Variants in GALNT18 observed in about 807,000 individuals in gnomAD.
GALNT18 encodes the protein GalNAc-transferase 18.
A neutral mutation model predicts 69.5 loss-of-function variants in GALNT18; 44 were observed. The observed-to-expected ratio is 0.63, with a 90% CI of 0.50 to 0.81. The LOEUF (loss-of-function observed/expected upper bound fraction) is 0.81. Ranked by LOEUF, GALNT18 falls within the 40% of genes least tolerant of loss-of-function variation. The pLI, the probability that GALNT18 is intolerant of heterozygous loss-of-function variation, is 0.00. For synonymous variants in GALNT18, 364 were observed against 318.2 expected (o/e 1.14, Z -1.53); for missense variants, 715 against 810.0 (o/e 0.88, Z 1.42).
intron 6 of GALNT18, among the ~76,000 whole-genome samples, chr11:11,346,708 C>A (rs7108792): frequency 0.95 from 145,024 of 152,136 alleles, 69,485 homozygotes; most frequent in East Asian, 1. Context: ...GTGGCCAAGA[C>A]CCTAAAGTGG....
In GALNT18 at chr11:11,534,047, C is replaced by A. The variant is rs1857717853; in HGVS notation, c.236-85111G>T. ...GCAGCCTCATCACACCCCATGCTAG[C>A]ACCCCTACGTCACAGATCAGGAAAC... On this transcript the variant is annotated intron_variant, in intron 1 of 10. Coordinates refer to ENST00000227756, the MANE Select transcript of GALNT18 (RefSeq NM_198516.3). Among the ~76,000 whole-genome samples the A allele has an allele frequency of 3.9e-5, 6 of 152,360 alleles. No homozygotes were observed. The South Asian group carries it at 1.2e-3, about 32-fold the overall frequency.
At chr11:11,334,551 A>G (rs1052858583) in intron 7 of GALNT18, among the ~76,000 whole-genome samples, 1 of 151,934 alleles carries the variant, frequency 6.6e-6, no homozygotes, top group African/African-American at 2.4e-5. Context: ...TCCAAAAAAA[A>G]AAAACCAAAA....
chr11:11,357,658 T>G (rs1169601597), intron 6 of GALNT18, among the ~76,000 whole-genome samples: 2 of 152,202 alleles, frequency 1.3e-5, no homozygotes, highest in South Asian at 2.1e-4. Flanking sequence ...CTTTTTCTCT[T>G]GGGACCAGGG....
At chr11:11,557,646 G>A (rs1051369919) in intron 1 of GALNT18, among the ~76,000 whole-genome samples, 2 of 152,182 alleles carry the variant, frequency 1.3e-5, no homozygotes, top group Admixed American at 6.5e-5. Flanking sequence ...CTGAGCACTC[G>A]GTAACTGTCA....
rs1859640536 is a variant in GALNT18 at position 11,601,779 on chromosome 11, A to C, written c.235+19580T>G. Among the ~76,000 whole-genome samples the C allele has an allele frequency of 1.3e-5, 2 of 152,242 alleles. No individual in the cohort carries two copies. Among genetic ancestry groups the C allele is most frequent in the Admixed American group, 1.3e-4 (2 of 15,288 alleles). On this transcript the variant is annotated intron_variant, in intron 1 of 10. Coordinates refer to ENST00000227756, the MANE Select transcript of GALNT18 (RefSeq NM_198516.3). This position sits in a 1 kb window ranked among gnomAD's most constrained non-coding sequence, Gnocchi z 4.0. ...TGGAAACTGTGACTTTAAGCAAAAT[A>C]TAACATATAACAAAACCTGTTTTTT...
intron 1 of GALNT18, chr11:11,476,167 A>G (rs977824804): frequency 1.3e-5 from 2 of 152,206 alleles, no homozygotes; most frequent in East Asian, 3.8e-4. Flanking sequence ...GTCCCCCTGG[A>G]AATCAGAAAT....
chr11:11,466,124 A>G (rs1246558976), intron 1 of GALNT18, among the ~76,000 whole-genome samples: 2 of 151,520 alleles, frequency 1.3e-5, no homozygotes, highest in Non-Finnish European at 3.0e-5. Context: ...TGTGTGATTA[A>G]CTCTGACACA....
At chr11:11,277,966 A>C (rs1427144998) in intron 10 of GALNT18, among the ~76,000 whole-genome samples, 1 of 152,210 alleles carries the variant, frequency 6.6e-6, no homozygotes, top group Non-Finnish European at 1.5e-5. Flanking sequence ...GCTGAGAAGA[A>C]TGTATATTCT....
chr11:11,547,666 T>C (rs574695570), intron 1 of GALNT18, among the ~76,000 whole-genome samples: 2 of 152,232 alleles, frequency 1.3e-5, no homozygotes, highest in Non-Finnish European at 2.9e-5. Context: ...CCTGCTACCA[T>C]GAATCTTAGG....
chr11:11,600,343 G>GT lies in GALNT18; in HGVS notation c.235+21015dup. On this transcript the variant is annotated intron_variant, in intron 1 of 10. Coordinates refer to ENST00000227756, the MANE Select transcript of GALNT18 (RefSeq NM_198516.3). This position sits in a 1 kb window ranked among gnomAD's most constrained non-coding sequence, Gnocchi z 4.8. ...CCTGATAACAACAAATTCTGTTTTTGTTTTTCTGGTAATGACTTTATTTTG... is the reference window on the plus strand; with the variant it reads ...CCTGATAACAACAAATTCTGTTTTTGTTTTTTCTGGTAATGACTTTATTTTG... 6.6e-6 allele frequency among the ~76,000 whole-genome samples: 1 copy of GT among 152,006 alleles called. No individual in the cohort carries two copies. The highest frequency in any genetic ancestry group is 2.1e-4 in the South Asian group (1 of 4,816).
At chr11:11,378,135 G>A (rs967493968) in intron 4 of GALNT18, among the ~76,000 whole-genome samples, 20 of 152,220 alleles carry the variant, frequency 1.3e-4, no homozygotes, top group African/African-American at 4.6e-4. Context: ...GGCAAGCAGG[G>A]ACTTCAACTA....
At chr11:11,280,410 G>A (rs938673407) in intron 10 of GALNT18, among the ~76,000 whole-genome samples, 1 of 152,034 alleles carries the variant, frequency 6.6e-6, no homozygotes, top group Non-Finnish European at 1.5e-5. Flanking sequence ...GGCACCTCCA[G>A]GGAGAAGGAT....
rs561857003 is a variant in GALNT18 at position 11,409,303 on chromosome 11, G to C, written c.595+23318C>G. Among the ~76,000 whole-genome samples the C allele has an allele frequency of 2.6e-5, 4 of 152,246 alleles. No homozygotes were observed. In the East Asian group the frequency reaches 7.7e-4, roughly 29 times the overall value. On this transcript the variant is annotated intron_variant, in intron 3 of 10. Transcript: ENST00000227756. ...AACTCAGTCAGTGTCTGGGTTCCTA[G>C]TGCGTGAACTCCCTAAAGGCAGTCT...
intron 1 of GALNT18, among the ~76,000 whole-genome samples, chr11:11,581,721 C>T (rs1018948579): frequency 6.6e-6 from 1 of 152,160 alleles, no homozygotes; most frequent in African/African-American, 2.4e-5. Context: ...GAGAAATTCT[C>T]CATCCAGGGG....
intron 3 of GALNT18, among the ~76,000 whole-genome samples, chr11:11,431,760 A>G (rs1386652623): frequency 1.3e-5 from 2 of 152,382 alleles, no homozygotes; most frequent in African/African-American, 4.8e-5. Context: ...ACCTGACAGC[A>G]AAGAAAGCTC....
At position 11,573,666 on chromosome 11, in the gene GALNT18, C is replaced by T. The variant is rs1255425534; in HGVS notation, c.235+47693G>A. The T allele has an allele frequency of 6.6e-6, 1 of 152,142 alleles. No homozygotes were observed. Among genetic ancestry groups the T allele is most frequent in the Non-Finnish European group, 1.5e-5 (1 of 68,048 alleles). The allele number at this position is 152,142 out of a possible 1,614,324, so 9.4% of individuals were successfully genotyped here. ...CAATCTTTAGAAAACAGCAGGATCT[C>T]CGAGGAGAGAAAGAATTTCTCTCCA... On this transcript the variant is annotated intron_variant, in intron 1 of 10. Transcript: ENST00000227756. The surrounding 1 kb of genome is among the most constrained non-coding windows in gnomAD (Gnocchi z 4.6).
chr11:11,495,418 G>A (rs1017023596), intron 1 of GALNT18, among the ~76,000 whole-genome samples: 8 of 152,136 alleles, frequency 5.3e-5, no homozygotes, highest in Admixed American at 4.6e-4. Flanking sequence ...TGACTTGTAG[G>A]ACATATCAAG....
At chr11:11,447,672 T>G (rs2070061710) in intron 2 of GALNT18, among the ~76,000 whole-genome samples, 1 of 152,164 alleles carries the variant, frequency 6.6e-6, no homozygotes, top group Non-Finnish European at 1.5e-5. Flanking sequence ...GGAGAGAGAA[T>G]GAGAGCCAGC....
rs1185015902 is a variant in GALNT18, at chr11:11,413,863, T to C, written c.595+18758A>G. ...CGCTCTGTTCAGCAGTGCCCATCTA[T>C]CCAAATGCCCCCTAAAGATCGTCCC... On this transcript the variant is annotated intron_variant, in intron 3 of 10. Coordinates refer to ENST00000227756, the MANE Select transcript of GALNT18 (RefSeq NM_198516.3). This position sits in a 1 kb window ranked among gnomAD's most constrained non-coding sequence, Gnocchi z 4.7. 6.6e-6 allele frequency among the ~76,000 whole-genome samples: 1 copy of C among 152,184 alleles called. No homozygotes were observed. The highest frequency in any genetic ancestry group is 1.5e-5 in the Non-Finnish European group (1 of 68,032).
Sources: allele counts gnomAD v4.1 joint callset (sites outside exome capture counted in the v4.1 genomes callset), GRCh38; gene constraint gnomAD v4.1.1; non-coding constraint Gnocchi (gnomAD v3.1); transcripts MANE v1.5; gene names NCBI Gene and HGNC (gene_info 2026-07-23, HGNC 2026-07-21).